Variants in LRRC7 observed in about 807,000 individuals in gnomAD.
LRRC7 encodes leucine rich repeat containing 7.
Under a neutral mutation model 175.7 loss-of-function variants are expected in LRRC7, and 23 were observed. The observed-to-expected ratio is 0.13, with a 90% CI of 0.09 to 0.19. LRRC7 has a LOEUF of 0.19. LRRC7 is among the 10% of genes least tolerant of loss of function. LRRC7 has a pLI of 1.00. For missense variants in LRRC7, 1,354 were observed against 1,904.7 expected, an observed-to-expected ratio of 0.71 and a Z score of 5.38; for synonymous variants, 685 against 680.9, an observed-to-expected ratio of 1.01 and a Z score of -0.09.
At chr1:69,791,541 A>G (rs1451779733) in intron 3 of LRRC7, among the ~76,000 whole-genome samples, 1 of 152,010 alleles carries the variant, frequency 6.6e-6, no homozygotes, top group Non-Finnish European at 1.5e-5. Context: ...TTTATGAAGC[A>G]GTTGGGGGAG....
At chr1:69,912,129 T>C (rs1445532517) in intron 7 of LRRC7, among the ~76,000 whole-genome samples, 5 of 152,142 alleles carry the variant, frequency 3.3e-5, no homozygotes, top group Admixed American at 3.3e-4. Context: ...ATGAAGGTCA[T>C]GGAACCAATT....
At position 69,578,227 on chromosome 1, in the gene LRRC7, C is replaced by A. The variant is rs1325609765; in HGVS notation, c.2+9586C>A. On this transcript the variant is annotated intron_variant, in intron 1 of 26. Transcript: ENST00000651989. ...CACTGGCCATCAGAGAAATGCAAAT[C>A]AAAACCACAATGAGATACCATCTCA... Among the ~76,000 whole-genome samples, 6 of 151,188 alleles carry A rather than the reference C, an allele frequency of 4.0e-5. No homozygotes were observed. In the East Asian group the frequency reaches 1.2e-3, roughly 30 times the overall value.
chr1:69,699,746 G>T (rs1042610113), intron 2 of LRRC7, among the ~76,000 whole-genome samples: 7 of 151,746 alleles, frequency 4.6e-5, no homozygotes, highest in African/African-American at 1.7e-4. Context: ...TATCTCCTCT[G>T]TGTGGCCTAC....
In LRRC7 at chr1:70,127,911, A is replaced by T. The variant is rs1333353300; in HGVS notation, c.*6024A>T. On this transcript the variant is annotated 3_prime_UTR_variant, in exon 27 of 27. Transcript: ENST00000651989. ...AGGTGAGATTTTGAAACCTGGCATA[A>T]TTTTCTCTTCTCCTTTTTTGAAAAA... is the stretch of plus-strand genomic sequence containing the variant. 6.6e-6 allele frequency among the ~76,000 whole-genome samples: 1 copy of T among 151,438 alleles called. No individual in the cohort carries two copies. Among genetic ancestry groups the T allele is most frequent in the Non-Finnish European group, 1.5e-5 (1 of 67,836 alleles).
At chr1:70,117,979 A>AT (rs1054229188) in intron 26 of LRRC7, among the ~76,000 whole-genome samples, 1 of 151,882 alleles carries the variant, frequency 6.6e-6, no homozygotes, top group Non-Finnish European at 1.5e-5. Context: ...ATATGCATTT[A>AT]TTTTTTCAAA....
intron 1 of LRRC7, among the ~76,000 whole-genome samples, chr1:69,662,231 G>A (rs921657068): frequency 1.3e-5 from 2 of 151,956 alleles, no homozygotes; most frequent in South Asian, 4.2e-4. Context: ...GTACTGTGTA[G>A]GGCATACATT....
intron 2 of LRRC7, among the ~76,000 whole-genome samples, chr1:69,755,572 A>G (rs1251719071): frequency 6.6e-6 from 1 of 151,568 alleles, no homozygotes; most frequent in Non-Finnish European, 1.5e-5. Context: ...ATACATATAT[A>G]TATAGTACAA....
At chr1:69,844,670 A>AT (rs1222344164) in intron 7 of LRRC7, among the ~76,000 whole-genome samples, 3 of 152,204 alleles carry the variant, frequency 2.0e-5, no homozygotes, top group Admixed American at 6.6e-5. Flanking sequence ...TCTCTTCAAG[A>AT]TCCCGGGGTG....
chr1:69,776,539 T>C (rs988683143), intron 3 of LRRC7, among the ~76,000 whole-genome samples: 4 of 152,212 alleles, frequency 2.6e-5, no homozygotes, highest in Non-Finnish European at 1.5e-5. Flanking sequence ...ATAGAGGCAA[T>C]TTGTTGTTTC....
At chr1:69,738,747 G>A (rs971563577) in intron 2 of LRRC7, among the ~76,000 whole-genome samples, 1 of 152,020 alleles carries the variant, frequency 6.6e-6, no homozygotes, top group African/African-American at 2.4e-5. Flanking sequence ...AGAGAGATAA[G>A]ACACAGAAAG....
At chr1:69,724,763 A>G (rs1006096741) in intron 2 of LRRC7, among the ~76,000 whole-genome samples, 7 of 152,220 alleles carry the variant, frequency 4.6e-5, no homozygotes, top group African/African-American at 1.7e-4. Context: ...GAGAAACTCC[A>G]GAAAATTATA....
chr1:69,964,075 T>C (rs934292953), intron 8 of LRRC7, among the ~76,000 whole-genome samples: 4 of 152,190 alleles, frequency 2.6e-5, no homozygotes, highest in African/African-American at 9.7e-5. Flanking sequence ...ACTCCTTTAC[T>C]TTTGAACCTT....
rs889340347 is a variant in LRRC7, at chr1:70,128,799, A to G, written c.*6912A>G. The G allele has an allele frequency of 7.9e-5, 12 of 152,354 alleles. No homozygotes were observed. Among genetic ancestry groups the G allele is most frequent in the African/African-American group, 2.9e-4 (12 of 41,562 alleles). The allele number at this position is 152,354 out of a possible 1,614,324, so 9.4% of individuals were successfully genotyped here. On this transcript the variant is annotated 3_prime_UTR_variant, in exon 27 of 27. Coordinates refer to ENST00000651989, the MANE Select transcript of LRRC7 (RefSeq NM_001370785.2). The stretch of plus-strand genomic sequence containing the variant: ...AAAGACAGTACAAGGCAATGTGGTG[A>G]GTCCCTTTATTCCTGCCCTCAACCA...
At chr1:69,756,515 G>A (rs540067056) in intron 2 of LRRC7, among the ~76,000 whole-genome samples, 28 of 151,618 alleles carry the variant, frequency 1.8e-4, no homozygotes, top group African/African-American at 3.1e-4. Context: ...AAAACTTTCC[G>A]GTGGAGAAAA....
chr1:69,739,323 G>A (rs1668458885), intron 2 of LRRC7, among the ~76,000 whole-genome samples: 1 of 152,036 alleles, frequency 6.6e-6, no homozygotes, highest in Admixed American at 6.6e-5. Context: ...AGCTAAGGGT[G>A]AGCACAATAA....
intron 1 of LRRC7, among the ~76,000 whole-genome samples, chr1:69,609,865 C>T (rs578252170): frequency 4.1e-4 from 62 of 152,058 alleles, no homozygotes; most frequent in African/African-American, 1.2e-3. Context: ...CTCATACAAC[C>T]GGCATTTTAT....
chr1:69,890,989 C>T (rs1023841120), intron 7 of LRRC7, among the ~76,000 whole-genome samples: 1 of 152,238 alleles, frequency 6.6e-6, no homozygotes, highest in Non-Finnish European at 1.5e-5. Flanking sequence ...CTGTCCAGAC[C>T]ACTACCACTT....
intron 25 of LRRC7, among the ~76,000 whole-genome samples, chr1:70,092,107 GT>G (rs1454182971): frequency 6.6e-6 from 1 of 152,082 alleles, no homozygotes; most frequent in Non-Finnish European, 1.5e-5. Flanking sequence ...ATTCAGCTGT[GT>G]TTTTTAGCCC....
At chr1:69,946,610 T>C (rs1341344104) in intron 8 of LRRC7, among the ~76,000 whole-genome samples, 3 of 150,810 alleles carry the variant, frequency 2.0e-5, no homozygotes, top group Non-Finnish European at 3.0e-5. Context: ...TTTATAGTTG[T>C]TATAGCTTCT....
Sources: allele counts gnomAD v4.1 joint callset (sites outside exome capture counted in the v4.1 genomes callset), GRCh38; gene constraint gnomAD v4.1.1; transcripts MANE v1.5; gene names NCBI Gene and HGNC (gene_info 2026-07-23, HGNC 2026-07-21).